Variants in GZMH observed in about 807,000 individuals in gnomAD.
GZMH encodes cathepsin G-like 2, protein h-CCPX.
A neutral mutation model predicts 20.7 loss-of-function variants in GZMH; 24 were observed. That is an observed-to-expected ratio of 1.16 (90% CI 0.84 to 1.63). The LOEUF (loss-of-function observed/expected upper bound fraction) is 1.63, where lower values mean the gene tolerates loss of function less well. Among genes scored for constraint, GZMH ranks in the 40% most tolerant of loss-of-function variants. The pLI is 0.00. For missense variants in GZMH, 344 were observed against 302.7 expected, an observed-to-expected ratio of 1.14 and a Z score of -1.01; for synonymous variants, 119 against 116.1, an observed-to-expected ratio of 1.02 and a Z score of -0.16.
In GZMH at chr14:24,609,226, G is replaced by A. The variant is rs2066894132; in HGVS notation, c.55+333C>T. ...GTAACAACTCCTATGACTGCAACTT[G>A]GTGTCTGAGCTCCTCTTTCCTGGGT... On this transcript the variant is annotated intron_variant, in intron 1 of 4. Transcript: ENST00000216338. Among the ~76,000 whole-genome samples, 3 of 152,252 alleles carry A rather than the reference G, an allele frequency of 2.0e-5. No homozygotes were observed. The South Asian group carries it at 6.2e-4, about 32-fold the overall frequency.
At chr14:24,608,798 G>A (rs953415938) in intron 1 of GZMH, among the ~76,000 whole-genome samples, 2 of 152,202 alleles carry the variant, frequency 1.3e-5, no homozygotes, top group Non-Finnish European at 2.9e-5. Context: ...ATTTTCTAAT[G>A]ATCTACCCAT....
At position 24,607,225 on chromosome 14, in the gene GZMH, C is replaced by T. The variant is rs769002213; in HGVS notation, c.521G>A (p.Arg174His). ...LTVQKDCQCE[R>H]LFHGNYSRAT... ...TCTGCTGTAATTGCCATGGAAGAGA[C>T]GTTCACACTGGCAGTCCTTCTGCAC... The change falls in exon 4 of 5, where the codon CGT (arginine) becomes CAT (histidine). Residue 174 changes from arginine to histidine, a missense_variant. Coordinates refer to ENST00000216338, the MANE Select transcript of GZMH (RefSeq NM_033423.5). 2.7e-5 allele frequency: 44 copies of T among 1,613,946 alleles called. No individual in the cohort carries two copies. Among genetic ancestry groups the T allele is most frequent in the Admixed American group, 1.0e-4 (6 of 60,000 alleles).
chr14:24,609,528 T>A (rs753379590), intron 1 of GZMH, 31 bp downstream of exon 1: 3 of 1,534,236 alleles, frequency 2.0e-6, no homozygotes, highest in Non-Finnish European at 2.7e-6. Flanking sequence ...TAAGATGGGT[T>A]CAGGCCTCTG....
chr14:24,606,877 G>T, intron 4 of GZMH, 131 bp from the exon 5 acceptor site: 1 of 858,484 alleles, frequency 1.2e-6, no homozygotes, highest in Non-Finnish European at 1.8e-6. Context: ...CTCCAGCATG[G>T]CCCTGGCTGT....
Position 24,606,714 on chromosome 14 carries a change from G to A in GZMH, c.630C>T (p.Asp210=), listed in dbSNP as rs72681016. ...GDSGGPLVCK[D]VAQGILSYGN... ...CATAGGAGAGAATACCTTGGGCTACGTCCTTACACACGAGGGGCCCCCCGG... is the reference window on the plus strand; with the variant it reads ...CATAGGAGAGAATACCTTGGGCTACATCCTTACACACGAGGGGCCCCCCGG... Residue 210 remains aspartate, a synonymous_variant, in exon 5 of 5, where the codon GAC becomes GAT. Transcript: ENST00000216338. The A allele has an allele frequency of 0.014, 22,131 of 1,613,632 alleles. 169 individuals carry two copies. Among genetic ancestry groups the A allele is most frequent in the Non-Finnish European group, 0.017 (19,648 of 1,179,584 alleles).
rs2066871201 is a variant in GZMH at position 24,606,721 on chromosome 14, C to A, written c.623G>T (p.Cys208Phe). The A allele has an allele frequency of 6.2e-7, 1 of 1,613,756 alleles. No homozygotes were observed. Among genetic ancestry groups the A allele is most frequent in the Admixed American group, 1.7e-5 (1 of 60,002 alleles). Reference protein sequence around the residue: ...FKGDSGGPLVCKDVAQGILSY... With the variant: ...FKGDSGGPLVFKDVAQGILSY... ...GAGAATACCTTGGGCTACGTCCTTA[C>A]ACACGAGGGGCCCCCCGGAGTCCCC... is the stretch of plus-strand genomic sequence containing the variant. The change falls in exon 5 of 5, where the codon TGT becomes TTT. Residue 208 changes from cysteine to phenylalanine, a missense_variant. Physicochemically the swap from Cys to Phe is radical, Grantham distance 205 (BLOSUM62 -2). Coordinates refer to ENST00000216338, the MANE Select transcript of GZMH (RefSeq NM_033423.5).
rs575241298 is a variant in GZMH at position 24,607,323 on chromosome 14, C to T, written c.423G>A (p.Leu141=). 6.6e-5 allele frequency: 107 copies of T among 1,613,714 alleles called. No homozygotes were observed. The South Asian group carries it at 9.7e-4, about 15-fold the overall frequency. ...CATAACCCCAGCCAGCCACACTGCACAGCTGCCCTGGCTTCACCTGGGCCT... is the reference window on the plus strand; with the variant it reads ...CATAACCCCAGCCAGCCACACTGCATAGCTGCCCTGGCTTCACCTGGGCCT... ...SSKAQVKPGQ[L]CSVAGWGYVS... Residue 141 remains leucine, a synonymous_variant, in exon 4 of 5, where the codon CTG becomes CTA. Coordinates refer to ENST00000216338, the MANE Select transcript of GZMH (RefSeq NM_033423.5).
Position 24,607,409 on chromosome 14 carries a change from G to T in GZMH, c.340-3C>A. ...GTCCACTTGGCCTTTCTCTCCAGCT[G>T]GTGGGGAAGAAGCAAGAAAGTCCAG... On this transcript the variant is annotated splice_region_variant and splice_polypyrimidine_tract_variant and intron_variant, in intron 3 of 4. Transcript: ENST00000216338. The T allele has an allele frequency of 6.3e-7, 1 of 1,590,076 alleles. No homozygotes were observed. The highest frequency in any genetic ancestry group is 1.1e-5 in the South Asian group (1 of 88,206).
Position 24,607,801 on chromosome 14 carries a change from G to A in GZMH, c.204-54C>T, listed in dbSNP as rs1010660614. On this transcript the variant is annotated intron_variant, in intron 2 of 4. Transcript: ENST00000216338. ...GTGGAGTCACAGGGGATAGAGCCCA[G>A]GAGCAGTGAAGAGCAGATGACAGCT... 6.8e-6 allele frequency: 11 copies of A among 1,613,098 alleles called. No individual in the cohort carries two copies. The African/African-American group carries it at 1.3e-4, about 20-fold the overall frequency.
chr14:24,608,531 TC>T (rs2066889444), intron 1 of GZMH, 119 bp from the exon 2 acceptor site: 4 of 1,097,728 alleles, frequency 3.6e-6, no homozygotes, highest in Non-Finnish European at 1.3e-6. Context: ...GAGGGAGGGG[TC>T]CTCCTGAGCT....
rs906553305 is a variant in GZMH at position 24,606,544 on chromosome 14, T to C, written c.*59A>G. 1.1e-4 allele frequency: 165 copies of C among 1,540,994 alleles called. No homozygotes were observed. The highest frequency in any genetic ancestry group is 1.4e-4 in the Non-Finnish European group (154 of 1,135,526). The stretch of plus-strand genomic sequence containing the variant: ...ACCCCGACTGCCCACCCCTTGGGGA[T>C]TCTTGCCTCTGTCCCAGAGATGGTC... On this transcript the variant is annotated 3_prime_UTR_variant, in exon 5 of 5. Coordinates refer to ENST00000216338, the MANE Select transcript of GZMH (RefSeq NM_033423.5).
Position 24,609,564 on chromosome 14 carries a change from C to G in GZMH, c.50G>C (p.Gly17Ala), listed in dbSNP as rs1166946659. 1 of 1,606,712 alleles carries G rather than the reference C, an allele frequency of 6.2e-7. No individual in the cohort carries two copies. Among genetic ancestry groups the G allele is most frequent in the South Asian group, 1.1e-5 (1 of 89,802 alleles). ...GAATAGGGATAGTCACTTACCTGTCCCAGCCCCAGGGGTCAGAAGAAAGGC... is the reference window on the plus strand; with the variant it reads ...GAATAGGGATAGTCACTTACCTGTCGCAGCCCCAGGGGTCAGAAGAAAGGC... ...LLAFLLTPGA[G>A]TEEIIGGHEA... The change falls in exon 1 of 5, where the codon GGG becomes GCG. Residue 17 changes from glycine (G) to alanine (A), a missense_variant. By Grantham distance (60) the Gly-to-Ala change is moderately conservative. Transcript: ENST00000216338.
At chr14:24,609,287 C>G (rs547797993) in intron 1 of GZMH, among the ~76,000 whole-genome samples, 118 of 152,252 alleles carry the variant, frequency 7.8e-4, no homozygotes, top group African/African-American at 2.8e-3. Flanking sequence ...TCTTTTTTAG[C>G]TTCACATTCC....
Position 24,607,726 on chromosome 14 carries a change from C to T in GZMH, c.225G>A (p.Gly75=). ...CQGSSINVTL[G]AHNIKEQERT... ...GCTCCTGTTCCTTGATATTGTGGGC[C>T]CCCAAGGTGACATTTATGGAGCTGC... The change falls in exon 3 of 5, where the codon GGG becomes GGA. Residue 75 remains glycine (G), a synonymous_variant. Coordinates refer to ENST00000216338, the MANE Select transcript of GZMH (RefSeq NM_033423.5). 1.2e-6 allele frequency: 2 copies of T among 1,613,942 alleles called. No homozygotes were observed. The highest frequency in any genetic ancestry group is 1.7e-6 in the Non-Finnish European group (2 of 1,179,934).
chr14:24,606,983 C>G (rs2066873681), intron 4 of GZMH, among the ~76,000 whole-genome samples, 166 bp downstream of exon 4: 1 of 152,162 alleles, frequency 6.6e-6, no homozygotes, highest in African/African-American at 2.4e-5. Flanking sequence ...TCCCCTCCAG[C>G]CACCCCAGTC....
chr14:24,608,292 A>C lies in GZMH; in HGVS notation c.176T>G (p.Val59Gly). Reference sequence around the variant, plus strand: ...TCCCTGGCAGTGAGCAGCTGTCAGCACAAAGTCCTTTCTCACTAGGATGCC... The same window carrying C: ...TCCCTGGCAGTGAGCAGCTGTCAGCCCAAAGTCCTTTCTCACTAGGATGCC... The part of the protein sequence containing the change: ...CGGILVRKDF[V>G]LTAAHCQGSS... Residue 59 changes from valine (V) to glycine (G), a missense_variant, in exon 2 of 5, where the codon GTG becomes GGG. Physicochemically the swap from Val to Gly is moderately radical, Grantham distance 109. Transcript: ENST00000216338. The C allele has an allele frequency of 6.2e-7, 1 of 1,614,218 alleles. No individual in the cohort carries two copies. Among genetic ancestry groups the C allele is most frequent in the Non-Finnish European group, 8.5e-7 (1 of 1,180,032 alleles).
In GZMH at chr14:24,607,752, A is replaced by G. The variant is rs766393320; in HGVS notation, c.204-5T>C. On this transcript the variant is annotated splice_region_variant and splice_polypyrimidine_tract_variant and intron_variant, in intron 2 of 4. Transcript: ENST00000216338. ...CCCAAGGTGACATTTATGGAGCTGCACAGAGAGCAGAGTGAGGATGGGGGT... is the reference window on the plus strand; with the variant it reads ...CCCAAGGTGACATTTATGGAGCTGCGCAGAGAGCAGAGTGAGGATGGGGGT... 6.8e-6 allele frequency: 11 copies of G among 1,614,116 alleles called. No homozygotes were observed. Among genetic ancestry groups the G allele is most frequent in the South Asian group, 6.6e-5 (6 of 91,070 alleles).
In GZMH at chr14:24,606,610, C is replaced by T. The variant is rs140139906; in HGVS notation, c.734G>A (p.Arg245His). 8.2e-5 allele frequency: 133 copies of T among 1,612,872 alleles called. 1 individual carries two copies. Among genetic ancestry groups the T allele is most frequent in the East Asian group, 4.2e-4 (19 of 44,870 alleles). Residue 245 changes from arginine (R) to histidine (H), a missense_variant, in exon 5 of 5, where the codon CGC (arginine) becomes CAC (histidine). Transcript: ENST00000216338. ...TTAGTCTCATGCCTGCTGTTAGAGG[C>T]GCTTCATTGTTCTCTTTATCCAGGG... ...FLPWIKRTMK[R>H]L
intron 2 of GZMH, among the ~76,000 whole-genome samples, 162 bp downstream of exon 2, chr14:24,608,103 G>A (rs1287400758): frequency 6.6e-6 from 1 of 152,136 alleles, no homozygotes; most frequent in Non-Finnish European, 1.5e-5. Flanking sequence ...CTATTTCTCA[G>A]CCTTTCATCA....
Sources: allele counts gnomAD v4.1 joint callset (sites outside exome capture counted in the v4.1 genomes callset), GRCh38; gene constraint gnomAD v4.1.1; transcripts MANE v1.5; gene names NCBI Gene and HGNC (gene_info 2026-07-23, HGNC 2026-07-21).